DDR2: variants seen among roughly 807,000 people sequenced by gnomAD.
The protein encoded by DDR2 is discoidin domain receptor tyrosine kinase 2.
Under a neutral mutation model 94.9 loss-of-function variants are expected in DDR2, and 27 were observed. The ratio of observed to expected loss-of-function variants is 0.28; its 90% confidence interval spans 0.21 to 0.39. DDR2 has a LOEUF of 0.39. DDR2 is among the 10% of genes least tolerant of loss of function. The pLI, the probability that DDR2 is intolerant of heterozygous loss-of-function variation, is 1.00. For synonymous variants in DDR2, 382 were observed against 377.2 expected (o/e 1.01, Z -0.15); for missense variants, 783 against 1,076.0 (o/e 0.73, Z 3.81).
intron 3 of DDR2, among the ~76,000 whole-genome samples, chr1:162,730,213 G>A (rs771586561): frequency 1.6e-4 from 25 of 152,026 alleles, no homozygotes; most frequent in Non-Finnish European, 2.6e-4. Context: ...ATGAACCGAG[G>A]CCATTTCAGC....
intron 2 of DDR2, among the ~76,000 whole-genome samples, chr1:162,670,176 T>C (rs1349321089): frequency 6.6e-6 from 1 of 152,236 alleles, no homozygotes; most frequent in Non-Finnish European, 1.5e-5. Context: ...AGTGGCACGA[T>C]CTCAGCTCAC....
chr1:162,742,651 C>G (rs1299652817), intron 3 of DDR2, among the ~76,000 whole-genome samples: 1 of 146,010 alleles, frequency 6.8e-6, no homozygotes, highest in African/African-American at 2.6e-5. Flanking sequence ...GATTACTTTT[C>G]AGTATGAGAT....
intron 2 of DDR2, among the ~76,000 whole-genome samples, chr1:162,656,849 TA>T (rs869244969): frequency 0.011 from 1,391 of 122,746 alleles, 208 homozygotes; most frequent in South Asian, 0.02. Context: ...TTTTTTTTTT[TA>T]TTTTTTTTGT....
At chr1:162,727,338 A>G (rs1404814483) in intron 3 of DDR2, among the ~76,000 whole-genome samples, 4 of 142,224 alleles carry the variant, frequency 2.8e-5, no homozygotes, top group African/African-American at 1.0e-4. Context: ...ATAAATATAC[A>G]CACATATATA....
At chr1:162,659,705 G>A (rs1382007128) in intron 2 of DDR2, among the ~76,000 whole-genome samples, 1 of 152,178 alleles carries the variant, frequency 6.6e-6, no homozygotes, top group African/African-American at 2.4e-5. Flanking sequence ...CTCGCTGAGT[G>A]TGAGTGCAGT....
chr1:162,677,867 A>G (rs530414746), intron 2 of DDR2, among the ~76,000 whole-genome samples: 5 of 152,352 alleles, frequency 3.3e-5, no homozygotes, highest in South Asian at 4.1e-4. Flanking sequence ...CATCTACTTT[A>G]TATACAATTC....
rs200287675 is a variant in DDR2, at chr1:162,770,406, G to T, written c.1398G>T (p.Gly466=). 10 of 1,613,922 alleles carry T rather than the reference G, an allele frequency of 6.2e-6. No homozygotes were observed. Among genetic ancestry groups the T allele is most frequent in the African/African-American group, 2.7e-5 (2 of 74,878 alleles). ...NNRSSSPSEQ[G]SNSTYDRIFP... is the part of the protein sequence containing the mutation. ...GCTCCTCATCACCTAGTGAACAAGGGTCCAACTCGACTTACGATCGCATCT... is the reference window on the plus strand; with the variant it reads ...GCTCCTCATCACCTAGTGAACAAGGTTCCAACTCGACTTACGATCGCATCT... Residue 466 remains glycine (G), a synonymous_variant, in exon 12 of 18, where the codon GGG becomes GGT. Coordinates refer to ENST00000367921, the MANE Select transcript of DDR2 (RefSeq NM_006182.4).
chr1:162,710,435 C>A (rs1660847885), intron 2 of DDR2, among the ~76,000 whole-genome samples: 1 of 152,098 alleles, frequency 6.6e-6, no homozygotes, highest in South Asian at 2.1e-4. Context: ...AAAACTTCAA[C>A]AAATCCTCAG....
rs1647820076 is a variant in DDR2, at chr1:162,780,200, C to T, written c.2522C>T (p.Ser841Leu). Residue 841 changes from serine to leucine, a missense_variant, in exon 18 of 18, where the codon TCA becomes TTA. Physicochemically the swap from Ser to Leu is moderately radical, Grantham distance 145. Transcript: ENST00000367921. ...CWRRDTKNRPSFQEIHLLLLQ... is the reference protein window; with the variant it reads ...CWRRDTKNRPLFQEIHLLLLQ... The stretch of plus-strand genomic sequence containing the variant: ...AGAAGAGATACGAAGAACCGTCCCT[C>T]ATTCCAAGAAATCCACCTTCTGCTC... 2 of 1,613,884 alleles carry T rather than the reference C, an allele frequency of 1.2e-6. No homozygotes were observed. The highest frequency in any genetic ancestry group is 1.3e-5 in the African/African-American group (1 of 74,882).
At chr1:162,677,591 C>G (rs77829725) in intron 2 of DDR2, among the ~76,000 whole-genome samples, 7,449 of 152,170 alleles carry the variant, frequency 0.049, 286 homozygotes, top group East Asian at 0.14. Context: ...CAAGGGAGGA[C>G]TTCTAGCTTT....
intron 2 of DDR2, among the ~76,000 whole-genome samples, chr1:162,676,494 A>T (rs1659132820): frequency 6.6e-6 from 1 of 152,244 alleles, no homozygotes; most frequent in Admixed American, 6.5e-5. Flanking sequence ...TCATTCAGGC[A>T]CATGCTAAGT....
At chr1:162,760,878 C>T (rs1393547523) in intron 8 of DDR2, among the ~76,000 whole-genome samples, 1 of 151,756 alleles carries the variant, frequency 6.6e-6, no homozygotes, top group Non-Finnish European at 1.5e-5. Flanking sequence ...CCGCAGTTGC[C>T]GTCTACCCTG....
At chr1:162,711,462 T>G (rs1321249665) in intron 2 of DDR2, among the ~76,000 whole-genome samples, 2 of 152,228 alleles carry the variant, frequency 1.3e-5, no homozygotes, top group Admixed American at 6.5e-5. Context: ...TAGGCATTTC[T>G]TAAAGTGGGA....
chr1:162,746,778 G>A (rs187296359), intron 3 of DDR2, among the ~76,000 whole-genome samples: 12 of 152,336 alleles, frequency 7.9e-5, no homozygotes, highest in African/African-American at 2.9e-4. Context: ...AGCTTCCAGA[G>A]GAAGGATCAG....
At chr1:162,694,024 T>C (rs1660074036) in intron 2 of DDR2, among the ~76,000 whole-genome samples, 1 of 152,178 alleles carries the variant, frequency 6.6e-6, no homozygotes, top group South Asian at 2.1e-4. Flanking sequence ...TACAGGAACA[T>C]GCCAGCACAC....
chr1:162,702,227 C>T (rs138274036), intron 2 of DDR2, among the ~76,000 whole-genome samples: 2 of 152,194 alleles, frequency 1.3e-5, no homozygotes, highest in African/African-American at 4.8e-5. Flanking sequence ...TTGTTCGTTG[C>T]AATTATTGTC....
At chr1:162,732,532 G>A (rs1662104377) in intron 3 of DDR2, among the ~76,000 whole-genome samples, 1 of 152,238 alleles carries the variant, frequency 6.6e-6, no homozygotes, top group Non-Finnish European at 1.5e-5. Flanking sequence ...CTGGGCCTCA[G>A]AGGTTCTGAT....
chr1:162,754,955 C>T, intron 5 of DDR2, 100 bp downstream of exon 5: 1 of 1,482,330 alleles, frequency 6.7e-7, no homozygotes, highest in Non-Finnish European at 9.3e-7. Context: ...TATGTGTGTC[C>T]ACAGACCAGG....
intron 13 of DDR2, 53 bp from the exon 14 acceptor site, chr1:162,773,416 T>A (rs1571321054): frequency 6.2e-7 from 1 of 1,608,872 alleles, no homozygotes; most frequent in Non-Finnish European, 8.5e-7. Flanking sequence ...GCAAGAGTAC[T>A]GAGACATCTT....
Sources: allele counts gnomAD v4.1 joint callset (sites outside exome capture counted in the v4.1 genomes callset), GRCh38; gene constraint gnomAD v4.1.1; transcripts MANE v1.5; gene names NCBI Gene and HGNC (gene_info 2026-07-23, HGNC 2026-07-21).